CRAMP1: variants seen among roughly 807,000 people sequenced by gnomAD.
CRAMP1 encodes protein cramped-like.
In CRAMP1, 50 loss-of-function variants were observed where a neutral mutation model predicts 115.4. The ratio of observed to expected loss-of-function variants is 0.43; its 90% CI spans 0.35 to 0.55. The LOEUF is 0.55. CRAMP1 is among the 20% of genes least tolerant of loss of function. The pLI is 0.01. For missense variants in CRAMP1, 1,679 were observed against 1,721.7 expected (o/e 0.98, Z 0.44); for synonymous variants, 866 against 745.4 (o/e 1.16, Z -2.64).
At chr16:1,647,100 C>T (rs1398707839) in intron 6 of CRAMP1, 3 of 702,494 alleles carry the variant, frequency 4.3e-6, no homozygotes, top group Admixed American at 4.0e-5. Flanking sequence ...GGAGGCTACC[C>T]CTGGATTTCA....
chr16:1,620,606 C>A (rs1325442555), intron 2 of CRAMP1: 1 of 456,518 alleles, frequency 2.2e-6, no homozygotes, highest in African/African-American at 2.0e-5. Context: ...CAGGGTGTCA[C>A]TGGGCTTCTG....
chr16:1,638,298 A>G (rs2036604527), intron 5 of CRAMP1, among the ~76,000 whole-genome samples: 1 of 152,160 alleles, frequency 6.6e-6, no homozygotes, highest in Admixed American at 6.5e-5. Context: ...AGGTGTAGTG[A>G]TCTTACCTAA....
chr16:1,670,728 C>A lies in CRAMP1; in HGVS notation c.3564C>A (p.Gly1188=). 4 of 1,613,950 alleles carry A rather than the reference C, an allele frequency of 2.5e-6. No individual in the cohort carries two copies. The highest frequency in any genetic ancestry group is 3.4e-6 in the Non-Finnish European group (4 of 1,179,830). ...CGACTCCCATTGGGACCAACAGTGG[C>A]ACTTCCTTGCTTGGCCCCAGCTTGT... is the stretch of plus-strand genomic sequence containing the variant. The part of the protein sequence containing the change: ...MLPTPIGTNS[G]TSLLGPSLLD... Residue 1188 remains glycine (G), a synonymous_variant, in exon 20 of 21, where the codon GGC becomes GGA. Transcript: ENST00000397412.
chr16:1,662,598 G>A lies in CRAMP1; in HGVS notation c.2522G>A (p.Ser841Asn). The part of the protein sequence containing the change: ...FAVPTTLPPN[S>N]RHGKLFSPSK... ...GTCCCGACAACCTTGCCACCCAACA[G>A]CCGACACGGGAAGCTCTTCTCTCCC... Residue 841 changes from serine to asparagine, a missense_variant, in exon 12 of 21, where the codon AGC (serine) becomes AAC (asparagine). Coordinates refer to ENST00000397412, the MANE Select transcript of CRAMP1 (RefSeq NM_020825.4). 6.2e-7 allele frequency: 1 copy of A among 1,613,974 alleles called. No individual in the cohort carries two copies. The highest frequency in any genetic ancestry group is 8.5e-7 in the Non-Finnish European group (1 of 1,179,888).
rs1229007654 is a variant in CRAMP1 at position 1,671,441 on chromosome 16, GC to G, written c.3645+635del. Among the ~76,000 whole-genome samples the G allele has an allele frequency of 2.0e-5, 3 of 152,256 alleles. No homozygotes were observed. Among genetic ancestry groups the G allele is most frequent in the African/African-American group, 7.2e-5 (3 of 41,466 alleles). ...TTGTTGGCCAGGCCATCTGGTTGTAGCCCTCAAGGCGTCCACCACATGGTTT... is the reference window on the plus strand; with the variant it reads ...TTGTTGGCCAGGCCATCTGGTTGTAGCCTCAAGGCGTCCACCACATGGTTT... On this transcript the variant is annotated intron_variant, in intron 20 of 20. Transcript: ENST00000397412. The surrounding 1 kb of genome is among the most constrained non-coding windows in gnomAD (Gnocchi z 5.0).
At chr16:1,617,783 A>G (rs754918437) in intron 2 of CRAMP1, among the ~76,000 whole-genome samples, 1 of 152,234 alleles carries the variant, frequency 6.6e-6, no homozygotes, top group Non-Finnish European at 1.5e-5. Flanking sequence ...TATTGACTTC[A>G]ATGAAAAATG....
rs763900969 is a variant in CRAMP1, at chr16:1,662,606, G to A, written c.2530G>A (p.Gly844Arg). 19 of 1,613,972 alleles carry A rather than the reference G, an allele frequency of 1.2e-5. No individual in the cohort carries two copies. Among genetic ancestry groups the A allele is most frequent in the Non-Finnish European group, 1.4e-5 (17 of 1,179,890 alleles). ...PTTLPPNSRHGKLFSPSKEAE... is the reference protein window; with the variant it reads ...PTTLPPNSRHRKLFSPSKEAE... Reference sequence around the variant, plus strand: ...AACCTTGCCACCCAACAGCCGACACGGGAAGCTCTTCTCTCCCAGTAAAGA... The same window carrying A: ...AACCTTGCCACCCAACAGCCGACACAGGAAGCTCTTCTCTCCCAGTAAAGA... The change falls in exon 12 of 21, where the codon GGG (glycine) becomes AGG (arginine). Residue 844 changes from glycine (G) to arginine (R), a missense_variant. This residue lies in a region of CRAMP1 where 709 missense variants were observed against 741.9 expected (regional missense o/e 0.96). Transcript: ENST00000397412.
In CRAMP1 at chr16:1,652,486, C is replaced by CT. The variant is rs2036732741; in HGVS notation, c.828-6dup. ...CAGGCCTCAGCGTTCCTTCAAAACT[C>CT]TTTTCCCAGGGCCACCACTGTACGT... On this transcript the variant is annotated splice_polypyrimidine_tract_variant and intron_variant, in intron 6 of 20. Coordinates refer to ENST00000397412, the MANE Select transcript of CRAMP1 (RefSeq NM_020825.4). 6.4e-7 allele frequency: 1 copy of CT among 1,551,082 alleles called. No individual in the cohort carries two copies.
chr16:1,659,380 T>A (rs2142201362), intron 10 of CRAMP1, among the ~76,000 whole-genome samples: 1 of 152,036 alleles, frequency 6.6e-6, no homozygotes, highest in Admixed American at 6.6e-5. Flanking sequence ...ATTGATTGAT[T>A]GATTGATTGA....
chr16:1,639,979 C>T (rs1372105651), intron 5 of CRAMP1, among the ~76,000 whole-genome samples: 2 of 152,164 alleles, frequency 1.3e-5, no homozygotes, highest in African/African-American at 4.8e-5. Context: ...CCCAGGCTTC[C>T]AACCCTTCAT....
rs768019391 is a variant in CRAMP1, at chr16:1,667,980, T to A, written c.3121T>A (p.Leu1041Ile). The change falls in exon 18 of 21, where the codon TTA (leucine) becomes ATA (isoleucine). Residue 1041 changes from leucine (L) to isoleucine (I), a missense_variant. Transcript: ENST00000397412. Reference protein sequence around the residue: ...DSFQGSSVLSLSELPKAPLQN... With the variant: ...DSFQGSSVLSISELPKAPLQN... The stretch of plus-strand genomic sequence containing the variant: ...CCAGCAGGGCTCATCTGTTCTCTCC[T>A]TATCTGAGCTGCCCAAGGCCCCTCT... 1.9e-5 allele frequency: 30 copies of A among 1,610,932 alleles called. 2 individuals carry two copies. In the South Asian group the frequency reaches 3.2e-4, roughly 17 times the overall value.
rs931415133 is a variant in CRAMP1 at position 1,625,966 on chromosome 16, C to CT, written c.347-6dup. 1.3e-6 allele frequency: 2 copies of CT among 1,551,538 alleles called. No homozygotes were observed. Among genetic ancestry groups the CT allele is most frequent in the Non-Finnish European group, 1.7e-6 (2 of 1,146,942 alleles). ...AACAGATCACTGTACGGTGCTTTCTCTCCAAGGAGCTGAAGGTGGTGGATC... is the reference window on the plus strand; with the variant it reads ...AACAGATCACTGTACGGTGCTTTCTCTTCCAAGGAGCTGAAGGTGGTGGATC... On this transcript the variant is annotated splice_region_variant and splice_polypyrimidine_tract_variant and intron_variant, in intron 2 of 20. Transcript: ENST00000397412.
chr16:1,632,130 G>A (rs2036552277), intron 3 of CRAMP1, 82 bp from the exon 4 acceptor site: 12 of 1,420,732 alleles, frequency 8.4e-6, no homozygotes, highest in East Asian at 2.5e-5. Context: ...CTCCTTTCTC[G>A]GAACCTTGGA....
At position 1,667,373 on chromosome 16, in the gene CRAMP1, G is replaced by A. The variant is rs2036884560; in HGVS notation, c.3075G>A (p.Glu1025=). The change falls in exon 17 of 21, where the codon GAG becomes GAA. Residue 1025 remains glutamate, a synonymous_variant. Transcript: ENST00000397412. The stretch of plus-strand genomic sequence containing the variant: ...TTGTCAGCATCCCTTCGAGGCCTGA[G>A]CAGGAGCCAGTGGCAGACAGTTTCC... ...DPFVSIPSRP[E]QEPVADSFQG... 1 of 1,613,166 alleles carries A rather than the reference G, an allele frequency of 6.2e-7. No individual in the cohort carries two copies. Among genetic ancestry groups the A allele is most frequent in the African/African-American group, 1.3e-5 (1 of 75,024 alleles).
In CRAMP1 at chr16:1,672,086, C is replaced by G. The variant is rs1325742829; in HGVS notation, c.3645+1277C>G. Among the ~76,000 whole-genome samples, 1 of 152,170 alleles carries G rather than the reference C, an allele frequency of 6.6e-6. No homozygotes were observed. The highest frequency in any genetic ancestry group is 1.5e-5 in the Non-Finnish European group (1 of 68,034). On this transcript the variant is annotated intron_variant, in intron 20 of 20. Transcript: ENST00000397412. The surrounding 1 kb of genome is among the most constrained non-coding windows in gnomAD (Gnocchi z 4.9). Reference sequence around the variant, plus strand: ...GTGGAGATGGGCGCTGCGTACGTGCCCTGAGGCAGCATGCTCACGCCATGC... The same window carrying G: ...GTGGAGATGGGCGCTGCGTACGTGCGCTGAGGCAGCATGCTCACGCCATGC...
intron 6 of CRAMP1, among the ~76,000 whole-genome samples, chr16:1,647,765 A>AG (rs1439603148): frequency 6.6e-6 from 1 of 151,434 alleles, no homozygotes; most frequent in African/African-American, 2.4e-5. Context: ...AAAAAAAAAA[A>AG]AAAAAAAAGC....
At position 1,612,426 on chromosome 16, in the gene CRAMP1, A is replaced by AGTGGCGGCAGTATCT. The variant is rs1186078602; in HGVS notation, c.-231_-217dup. On this transcript the variant is annotated 5_prime_UTR_variant, in exon 1 of 21. Transcript: ENST00000397412. ...GCGGCGGGCCGGCTTCGCTAGGGTG[A>AGTGGCGGCAGTATCT]GTGGCGGCAGTATCTGCGTCCGCAG... 1 of 151,038 alleles carries AGTGGCGGCAGTATCT rather than the reference A, an allele frequency of 6.6e-6. No individual in the cohort carries two copies. The highest frequency in any genetic ancestry group is 1.9e-4 in the East Asian group (1 of 5,142). 9.4% of individuals were successfully genotyped at this position (151,038 alleles called of 1,614,324 possible).
rs956881141 is a variant in CRAMP1 at position 1,669,985 on chromosome 16, C to T, written c.3500-679C>T. Among the ~76,000 whole-genome samples, 2 of 152,144 alleles carry T rather than the reference C, an allele frequency of 1.3e-5. No homozygotes were observed. Among genetic ancestry groups the T allele is most frequent in the Non-Finnish European group, 2.9e-5 (2 of 68,028 alleles). ...TAAATCTTGAAAAACTGGAAACAGG[C>T]CAGGCGTGGTGGCTCATGTCTGTAA... On this transcript the variant is annotated intron_variant, in intron 19 of 20. Coordinates refer to ENST00000397412, the MANE Select transcript of CRAMP1 (RefSeq NM_020825.4). The surrounding 1 kb of genome is among the most constrained non-coding windows in gnomAD (Gnocchi z 4.6).
At chr16:1,622,185 C>T (rs1019353844) in intron 2 of CRAMP1, among the ~76,000 whole-genome samples, 1 of 152,210 alleles carries the variant, frequency 6.6e-6, no homozygotes, top group African/African-American at 2.4e-5. Flanking sequence ...CCTTCAGTTT[C>T]TGCTCTGAAG....
Sources: gnomAD v4.1 joint callset for allele counts (sites outside exome capture counted in the v4.1 genomes callset) on GRCh38, gnomAD v4.1.1 for gene constraint, gnomAD v4.1.1 regional missense constraint, Gnocchi (gnomAD v3.1) non-coding constraint, MANE v1.5 for transcripts, NCBI Gene and HGNC (gene_info 2026-07-23, HGNC 2026-07-21) for gene names.